The following FAM135B variants were observed in gnomAD, a reference collection of about 807,000 sequenced individuals.
FAM135B encodes protein FAM135B.
A neutral mutation model predicts 127.7 loss-of-function variants in FAM135B; 43 were observed. The ratio of observed to expected loss-of-function variants is 0.34; its 90% CI spans 0.26 to 0.43. The LOEUF is 0.43. FAM135B is among the 20% of genes least tolerant of loss of function. The pLI, the probability that FAM135B is intolerant of heterozygous loss-of-function variation, is 1.00. For missense variants in FAM135B, 1,558 were observed against 1,725.6 expected (o/e 0.90, Z 1.72); for synonymous variants, 670 against 665.1 (o/e 1.01, Z -0.11).
intron 1 of FAM135B, among the ~76,000 whole-genome samples, chr8:138,433,196 T>C (rs1490536785): frequency 6.6e-6 from 1 of 152,098 alleles, no homozygotes; most frequent in Non-Finnish European, 1.5e-5. Flanking sequence ...CTGTGTAAGG[T>C]ATTTTATATA....
At chr8:138,420,062 T>G (rs1449511724) in intron 1 of FAM135B, among the ~76,000 whole-genome samples, 1 of 151,948 alleles carries the variant, frequency 6.6e-6, no homozygotes, top group Non-Finnish European at 1.5e-5. Flanking sequence ...ATCTGGTTCT[T>G]TGAAAAAATA....
chr8:138,165,282 G>A (rs1233297420), intron 12 of FAM135B, among the ~76,000 whole-genome samples: 1 of 151,894 alleles, frequency 6.6e-6, no homozygotes, highest in East Asian at 1.9e-4. Context: ...CACCACACAC[G>A]GCTAATTTTG....
chr8:138,219,883 T>C (rs1818887704), intron 7 of FAM135B, among the ~76,000 whole-genome samples: 1 of 152,300 alleles, frequency 6.6e-6, no homozygotes, highest in South Asian at 2.1e-4. Context: ...GCAATTCATA[T>C]GAACTATTCA....
intron 3 of FAM135B, among the ~76,000 whole-genome samples, chr8:138,291,064 T>C (rs1269794928): frequency 4.6e-5 from 7 of 152,180 alleles, no homozygotes; most frequent in African/African-American, 1.7e-4. Context: ...CGTATGTTCT[T>C]GGGATCTGAA....
At chr8:138,444,771 A>C (rs1315368875) in intron 1 of FAM135B, among the ~76,000 whole-genome samples, 3 of 152,222 alleles carry the variant, frequency 2.0e-5, no homozygotes, top group Non-Finnish European at 4.4e-5. Flanking sequence ...CACATTCAAA[A>C]GCTAGCAGAA....
intron 2 of FAM135B, among the ~76,000 whole-genome samples, chr8:138,322,909 G>T (rs1335287103): frequency 6.6e-6 from 1 of 152,192 alleles, no homozygotes; most frequent in East Asian, 1.9e-4. Context: ...GCCAATAAAA[G>T]AGGCCTTGGT....
chr8:138,285,134 A>ATTTTTTTTTTTTTT (rs386414180), intron 3 of FAM135B, among the ~76,000 whole-genome samples: 7 of 54,748 alleles, frequency 1.3e-4, no homozygotes, highest in South Asian at 1.4e-3. Flanking sequence ...GGCTCTACTA[A>ATTTTTTTTTTTTTT]TTTTTTTTTT....
chr8:138,181,255 A>G (rs550681090), intron 9 of FAM135B, among the ~76,000 whole-genome samples: 1 of 152,236 alleles, frequency 6.6e-6, no homozygotes, highest in Admixed American at 6.5e-5. Flanking sequence ...AATAAAGAAG[A>G]AAAGAAAAGT....
intron 1 of FAM135B, chr8:138,438,096 T>C (rs1835556340): frequency 6.6e-6 from 1 of 152,204 alleles, no homozygotes. Flanking sequence ...CCTGCTCATT[T>C]TAATTAACCT....
chr8:138,304,855 G>C (rs528277510), intron 3 of FAM135B, among the ~76,000 whole-genome samples: 1 of 152,198 alleles, frequency 6.6e-6, no homozygotes, highest in African/African-American at 2.4e-5. Flanking sequence ...TGGCATTTCT[G>C]AGTTGACTGC....
chr8:138,151,920 C>T lies in FAM135B; in HGVS notation c.2555G>A (p.Gly852Glu), dbSNP rs1320469685. The T allele has an allele frequency of 1.9e-6, 3 of 1,614,182 alleles. No homozygotes were observed. Among genetic ancestry groups the T allele is most frequent in the Non-Finnish European group, 2.5e-6 (3 of 1,180,030 alleles). The change falls in exon 13 of 20, where the codon GGG (glycine) becomes GAG (glutamate). Residue 852 changes from glycine to glutamate, a missense_variant. Physicochemically the swap from Gly to Glu is moderately conservative, Grantham distance 98 (BLOSUM62 -2). Transcript: ENST00000395297. ...GTGTCCTTGAGCATCAAACTGCTTCCCTTTCCCTTTGGGGATGTCTATGTA... is the reference window on the plus strand; with the variant it reads ...GTGTCCTTGAGCATCAAACTGCTTCTCTTTCCCTTTGGGGATGTCTATGTA... ...PGYIDIPKGKGKQFDAQGHCL... is the reference protein window; with the variant it reads ...PGYIDIPKGKEKQFDAQGHCL...
intron 1 of FAM135B, among the ~76,000 whole-genome samples, chr8:138,384,475 C>T (rs1205033575): frequency 1.3e-5 from 2 of 152,068 alleles, no homozygotes; most frequent in Non-Finnish European, 1.5e-5. Flanking sequence ...GGAAGAGGTG[C>T]AATGACCAGA....
At chr8:138,316,449 G>A (rs772100914) in intron 2 of FAM135B, among the ~76,000 whole-genome samples, 6 of 150,470 alleles carry the variant, frequency 4.0e-5, no homozygotes, top group Non-Finnish European at 7.4e-5. Flanking sequence ...AGCGGAGATC[G>A]CGCCACAGCA....
chr8:138,342,183 C>G (rs1019761357), intron 2 of FAM135B, among the ~76,000 whole-genome samples: 10 of 152,148 alleles, frequency 6.6e-5, no homozygotes, highest in African/African-American at 2.4e-4. Flanking sequence ...AGACTGAGCT[C>G]AAAGAGATTA....
intron 2 of FAM135B, among the ~76,000 whole-genome samples, chr8:138,323,006 C>T (rs1827556703): frequency 6.6e-6 from 1 of 152,188 alleles, no homozygotes; most frequent in South Asian, 2.1e-4. Flanking sequence ...ACAGTATGCG[C>T]CCACCACTGT....
intron 19 of FAM135B, among the ~76,000 whole-genome samples, chr8:138,134,393 G>GA (rs945679416): frequency 3.3e-5 from 5 of 152,048 alleles, no homozygotes; most frequent in Non-Finnish European, 5.9e-5. Flanking sequence ...TTTATTTAAA[G>GA]AAAAAAGTCA....
chr8:138,209,820 C>T (rs1193869044), intron 7 of FAM135B, among the ~76,000 whole-genome samples: 1 of 152,084 alleles, frequency 6.6e-6, no homozygotes, highest in African/African-American at 2.4e-5. Flanking sequence ...GGCCCCTAGT[C>T]CCACATTTGC....
At chr8:138,223,487 C>G (rs766817242) in intron 7 of FAM135B, among the ~76,000 whole-genome samples, 1 of 152,156 alleles carries the variant, frequency 6.6e-6, no homozygotes, top group African/African-American at 2.4e-5. Context: ...GGAAAGAATG[C>G]TTGTGCAGAG....
intron 1 of FAM135B, among the ~76,000 whole-genome samples, chr8:138,426,014 CACACACAT>C (rs781376077): frequency 0.53 from 29,443 of 55,052 alleles, 6,276 homozygotes; most frequent in African/African-American, 0.66. Context: ...TATATATATA[CACACACAT>C]ACATATACAC....
Sources: gnomAD v4.1 joint callset for allele counts (sites outside exome capture counted in the v4.1 genomes callset) on GRCh38, gnomAD v4.1.1 for gene constraint, MANE v1.5 for transcripts, NCBI Gene and HGNC (gene_info 2026-07-23, HGNC 2026-07-21) for gene names.